The following GLIS3 variants were observed in gnomAD, a reference collection of about 807,000 sequenced individuals.
The protein encoded by GLIS3 is GLIS family zinc finger 3, also known as zinc finger protein GLIS3.
In GLIS3, 53 loss-of-function variants were observed where a neutral mutation model predicts 78.6. The observed-to-expected ratio is 0.67, with a 90% CI of 0.54 to 0.85. The LOEUF (loss-of-function observed/expected upper bound fraction) is 0.85. GLIS3 is among the 40% of genes least tolerant of loss of function. The pLI is 0.00. For synonymous variants in GLIS3, 684 were observed against 509.9 expected (o/e 1.34, Z -4.60); for missense variants, 1,703 against 1,231.1 (o/e 1.38, Z -5.74).
At chr9:4,190,579 G>C (rs1473832537) in intron 2 of GLIS3, among the ~76,000 whole-genome samples, 2 of 149,110 alleles carry the variant, frequency 1.3e-5, no homozygotes, top group African/African-American at 4.9e-5. Flanking sequence ...AAGTGACGGG[G>C]AGAATGGAAC....
At chr9:4,279,324 T>TATATAC (rs1234969923) in intron 2 of GLIS3, among the ~76,000 whole-genome samples, 5 of 84,926 alleles carry the variant, frequency 5.9e-5, no homozygotes, top group East Asian at 3.2e-4. Context: ...AATATATATA[T>TATATAC]ACACACACAC....
the GLIS3 span, among the ~76,000 whole-genome samples, chr9:4,430,073 A>T: frequency 6.6e-6 from 1 of 152,060 alleles, no homozygotes; most frequent in Non-Finnish European, 1.5e-5. Context: ...AGGCAAGCAG[A>T]GGAGACAACA....
the GLIS3 span, among the ~76,000 whole-genome samples, chr9:4,353,675 C>T: frequency 6.6e-6 from 1 of 152,158 alleles, no homozygotes; most frequent in Admixed American, 6.5e-5. Context: ...AAGATCATCT[C>T]GAGATAGAGC....
At chr9:4,046,733 C>A (rs1056953230) in intron 4 of GLIS3, among the ~76,000 whole-genome samples, 1 of 152,138 alleles carries the variant, frequency 6.6e-6, no homozygotes, top group East Asian at 1.9e-4. Context: ...CAGGATAATG[C>A]AGGAACTCTA....
At chr9:4,447,957 G>T in the GLIS3 span, among the ~76,000 whole-genome samples, 22 of 151,184 alleles carry the variant, frequency 1.5e-4, no homozygotes, top group Admixed American at 6.6e-4. Flanking sequence ...TCAATATGTT[G>T]CCCAGACTGG....
chr9:4,435,682 G>T, the GLIS3 span, among the ~76,000 whole-genome samples: 1 of 152,194 alleles, frequency 6.6e-6, no homozygotes, highest in East Asian at 1.9e-4. Context: ...AGGCGCGGTG[G>T]CTCACGCCTG....
At chr9:4,326,012 C>G (rs139026018) in intron 2 of GLIS3, among the ~76,000 whole-genome samples, 11 of 152,208 alleles carry the variant, frequency 7.2e-5, no homozygotes, top group African/African-American at 2.4e-4. Flanking sequence ...GATGAGAACA[C>G]AAGTACACAC....
At chr9:4,272,694 C>T (rs1437751316) in intron 2 of GLIS3, among the ~76,000 whole-genome samples, 2 of 152,124 alleles carry the variant, frequency 1.3e-5, no homozygotes, top group African/African-American at 4.8e-5. Context: ...CACTAATAAT[C>T]ACTCACTGGC....
chr9:3,965,160 C>A lies in GLIS3; in HGVS notation c.1711-27971G>T, dbSNP rs368966755. Among the ~76,000 whole-genome samples, 61 of 150,588 alleles carry A rather than the reference C, an allele frequency of 4.1e-4. 1 individual carries two copies. The South Asian group carries it at 0.013, about 32-fold the overall frequency. ...TGTCAAACAATAGGAGTTTCCTTTA[C>A]CCTACTTCTTTTCTATTTCTTTCTT... On this transcript the variant is annotated intron_variant, in intron 4 of 10. Coordinates refer to ENST00000381971, the MANE Select transcript of GLIS3 (RefSeq NM_001042413.2).
chr9:4,122,976 T>C (rs1379426931), intron 3 of GLIS3, among the ~76,000 whole-genome samples: 2 of 152,218 alleles, frequency 1.3e-5, no homozygotes, highest in East Asian at 3.9e-4. Context: ...GGTTGGGAAA[T>C]TAATCTAGGC....
the GLIS3 span, among the ~76,000 whole-genome samples, chr9:4,398,425 A>G: frequency 0.014 from 2,074 of 152,088 alleles, 68 homozygotes; most frequent in African/African-American, 0.048. Flanking sequence ...TGCACATTCA[A>G]GTGTCCTCTA....
Position 4,187,355 on chromosome 9 carries a change from C to T in GLIS3, c.389-61414G>A, listed in dbSNP as rs200373030. Among the ~76,000 whole-genome samples the T allele has an allele frequency of 3.9e-5, 6 of 152,160 alleles. No individual in the cohort carries two copies. The East Asian group carries it at 1.2e-3, about 29-fold the overall frequency. On this transcript the variant is annotated intron_variant, in intron 2 of 10. Coordinates refer to ENST00000381971, the MANE Select transcript of GLIS3 (RefSeq NM_001042413.2). ...GCTCTGTTCTGTTCCATTGTTCTAT[C>T]TCTCTGTTTTGGTACCAGTACCATG...
chr9:4,118,442 C>T lies in GLIS3; in HGVS notation c.1036G>A (p.Glu346Lys), dbSNP rs779770600. The T allele has an allele frequency of 1.1e-5, 17 of 1,612,652 alleles. 1 individual carries two copies. The South Asian group carries it at 1.6e-4, about 16-fold the overall frequency. ...ASPANLSPQPEVYGHFLGVRG... is the reference protein window; with the variant it reads ...ASPANLSPQPKVYGHFLGVRG... The stretch of plus-strand genomic sequence containing the variant: ...ACGCCCAGGAAATGCCCGTAGACCT[C>T]CGGCTGCGGGGACAGGTTGGCCGGC... The change falls in exon 4 of 11, where the codon GAG becomes AAG. Residue 346 changes from glutamate to lysine, a missense_variant. Glu to Lys is a moderately conservative substitution (Grantham distance 56). Transcript: ENST00000381971. This position sits in a 1 kb window ranked among gnomAD's most constrained non-coding sequence, Gnocchi z 4.7.
chr9:3,939,158 A>C (rs1826064414), intron 4 of GLIS3, among the ~76,000 whole-genome samples: 1 of 152,190 alleles, frequency 6.6e-6, no homozygotes, highest in African/African-American at 2.4e-5. Flanking sequence ...AGCAGGCCCC[A>C]TATCCACTCT....
chr9:3,862,611 G>T (rs548602150), intron 8 of GLIS3, among the ~76,000 whole-genome samples: 14 of 152,176 alleles, frequency 9.2e-5, no homozygotes, highest in African/African-American at 3.4e-4. Flanking sequence ...TGTACTGTAC[G>T]CACAAGCAGT....
intron 4 of GLIS3, among the ~76,000 whole-genome samples, chr9:4,025,461 C>A (rs1333498962): frequency 6.6e-6 from 1 of 152,086 alleles, no homozygotes; most frequent in African/African-American, 2.4e-5. Flanking sequence ...GATCTTGGCT[C>A]ACCGCAACCT....
chr9:4,125,016 A>G (rs1420133950), intron 3 of GLIS3, among the ~76,000 whole-genome samples: 2 of 152,226 alleles, frequency 1.3e-5, no homozygotes, highest in Non-Finnish European at 2.9e-5. Context: ...TGAGAGAGAT[A>G]AAGCTTTGTC....
At chr9:4,480,914 C>T in the GLIS3 span, among the ~76,000 whole-genome samples, 12 of 151,306 alleles carry the variant, frequency 7.9e-5, no homozygotes, top group African/African-American at 2.9e-4. Context: ...AGTACAGTAG[C>T]TTGATCTCAG....
chr9:3,848,681 C>A (rs1484117839), intron 9 of GLIS3, among the ~76,000 whole-genome samples: 1 of 152,162 alleles, frequency 6.6e-6, no homozygotes, highest in African/African-American at 2.4e-5. Context: ...TTGTACTTGC[C>A]ACCTCGCTGC....
Sources: allele counts gnomAD v4.1 joint callset (sites outside exome capture counted in the v4.1 genomes callset), GRCh38; gene constraint gnomAD v4.1.1; non-coding constraint Gnocchi (gnomAD v3.1); transcripts MANE v1.5; gene names NCBI Gene and HGNC (gene_info 2026-07-23, HGNC 2026-07-21).